Variants in PI4KA observed in about 807,000 individuals in gnomAD.
The protein encoded by PI4KA is PI4-kinase alpha.
A neutral mutation model predicts 271.4 loss-of-function variants in PI4KA; 122 were observed. That is an observed-to-expected ratio of 0.45 (90% CI 0.39 to 0.52). PI4KA has a LOEUF of 0.52. PI4KA is among the 20% of genes least tolerant of loss of function. The probability of loss-of-function intolerance (pLI) is 0.00; values close to 1 mark genes in which losing one functional copy is unlikely to be tolerated. For missense variants in PI4KA, 1,969 were observed against 2,769.1 expected, an observed-to-expected ratio of 0.71 and a Z score of 6.48; for synonymous variants, 1,041 against 1,078.8, an observed-to-expected ratio of 0.96 and a Z score of 0.69.
At chr22:20,785,875 T>C (rs1238665840) in intron 19 of PI4KA, 1 of 1,320,180 alleles carries the variant, frequency 7.6e-7, no homozygotes, top group Non-Finnish European at 1.1e-6. Flanking sequence ...AGTCCCGGAA[T>C]ATAAATTTTA....
chr22:20,807,429 A>C lies in PI4KA; in HGVS notation c.1101T>G (p.Thr367=). 1 of 1,612,984 alleles carries C rather than the reference A, an allele frequency of 6.2e-7. No individual in the cohort carries two copies. The highest frequency in any genetic ancestry group is 8.5e-7 in the Non-Finnish European group (1 of 1,178,940). The change falls in exon 10 of 55, where the codon ACT becomes ACG. Residue 367 remains threonine (T), a synonymous_variant. Coordinates refer to ENST00000255882, the MANE Select transcript of PI4KA (RefSeq NM_058004.4). ...TCAGGTAGAGAGGGTCACTGAAGGAAGTGTAGTAGAGATCAGCACTGGGGT... is the reference window on the plus strand; with the variant it reads ...TCAGGTAGAGAGGGTCACTGAAGGACGTGTAGTAGAGATCAGCACTGGGGT... The part of the protein sequence containing the change: ...EANPSADLYY[T]SFSDPLYLTM...
At chr22:20,818,669 T>C in intron 6 of PI4KA, 120 bp from the exon 7 acceptor site, 1 of 630,832 alleles carries the variant, frequency 1.6e-6, no homozygotes. Context: ...GGTTGAAGCC[T>C]CATTTCCTTC....
At chr22:20,708,322 C>A (rs900159279) in intron 54 of PI4KA, among the ~76,000 whole-genome samples, 1 of 152,136 alleles carries the variant, frequency 6.6e-6, no homozygotes, top group Non-Finnish European at 1.5e-5. Context: ...CGCTTCCATC[C>A]GTGGGAGCCA....
chr22:20,802,014 C>A lies in PI4KA; in HGVS notation c.1683G>T (p.Met561Ile), dbSNP rs745541103. The A allele has an allele frequency of 1.2e-6, 2 of 1,614,198 alleles. No individual in the cohort carries two copies. Among genetic ancestry groups the A allele is most frequent in the Non-Finnish European group, 8.5e-7 (1 of 1,180,020 alleles). ...TAGCGATGTCTCGGAGCTGCTCGTA[C>A]ATGGAGGGCTGGCTCTTCTTACCCG... ...VMSGKKSQPS[M>I]YEQLRDIAID... The change falls in exon 14 of 55, where the codon ATG becomes ATT. Residue 561 changes from methionine (M) to isoleucine (I), a missense_variant. By Grantham distance (10) the Met-to-Ile change is conservative. Around this residue, in one of 13 missense-constraint regions of PI4KA, gnomAD observed 228 missense variants for 261.6 expected, o/e 0.87. Coordinates refer to ENST00000255882, the MANE Select transcript of PI4KA (RefSeq NM_058004.4).
intron 39 of PI4KA, among the ~76,000 whole-genome samples, chr22:20,728,744 A>G (rs1431884361): frequency 1.3e-5 from 2 of 152,208 alleles, no homozygotes; most frequent in Non-Finnish European, 2.9e-5. Context: ...TGGGCTCACA[A>G]TGGAGAATCA....
chr22:20,807,171 T>A (rs567092831), intron 10 of PI4KA, among the ~76,000 whole-genome samples, 191 bp downstream of exon 10: 86 of 152,268 alleles, frequency 5.6e-4, no homozygotes, highest in Non-Finnish European at 8.7e-4. Flanking sequence ...GGTACCGGGG[T>A]TGCAGGATCA....
chr22:20,746,391 AT>A (rs1033003720), intron 29 of PI4KA, among the ~76,000 whole-genome samples: 4 of 152,226 alleles, frequency 2.6e-5, no homozygotes, highest in Non-Finnish European at 4.4e-5. Context: ...ATTAAAAAAA[AT>A]AACTTAGAGA....
intron 2 of PI4KA, among the ~76,000 whole-genome samples, chr22:20,836,102 C>A (rs1025924310): frequency 7.7e-5 from 10 of 129,796 alleles, no homozygotes; most frequent in African/African-American, 2.8e-4. Flanking sequence ...AACAAAAAAA[C>A]ATGGCAGAAG....
intron 42 of PI4KA, among the ~76,000 whole-genome samples, chr22:20,723,060 G>A (rs1332294040): frequency 4.7e-5 from 7 of 148,832 alleles, no homozygotes; most frequent in Non-Finnish European, 1.0e-4. Context: ...ACAGAGTCTC[G>A]CTCTGTCTCC....
chr22:20,834,439 G>C, intron 3 of PI4KA, 123 bp downstream of exon 3: 1 of 711,884 alleles, frequency 1.4e-6, no homozygotes, highest in Non-Finnish European at 2.5e-6. Context: ...GCAGGCAGTT[G>C]TTTCCCAGCC....
intron 2 of PI4KA, among the ~76,000 whole-genome samples, chr22:20,837,608 C>G (rs923597499): frequency 6.6e-6 from 1 of 152,008 alleles, no homozygotes; most frequent in Middle Eastern, 3.4e-3. Context: ...TATCTAACAT[C>G]TTTATTTACC....
At chr22:20,753,579 A>G (rs1930952192) in intron 23 of PI4KA, among the ~76,000 whole-genome samples, 1 of 152,160 alleles carries the variant, frequency 6.6e-6, no homozygotes, top group Admixed American at 6.5e-5. Flanking sequence ...AAGAACAGTT[A>G]TTTTGTTGAA....
chr22:20,765,581 C>T lies in PI4KA; in HGVS notation c.2437+4G>A. 6.3e-7 allele frequency: 1 copy of T among 1,576,040 alleles called. No homozygotes were observed. The highest frequency in any genetic ancestry group is 8.7e-7 in the Non-Finnish European group (1 of 1,146,340). On this transcript the variant is annotated splice_donor_region_variant and intron_variant, in intron 20 of 54. Coordinates refer to ENST00000255882, the MANE Select transcript of PI4KA (RefSeq NM_058004.4). ...CTTCACTGGGAGAGAGATGATCCCC[C>T]TACCTGAGCCCTCCACAGCGAATCC...
At chr22:20,786,765 C>A (rs765480597) in intron 19 of PI4KA, 5 of 1,112,090 alleles carry the variant, frequency 4.5e-6, no homozygotes, top group Non-Finnish European at 5.5e-6. Context: ...GTGATTTCCA[C>A]CTTACATGTT....
intron 1 of PI4KA, among the ~76,000 whole-genome samples, chr22:20,856,325 A>C (rs995991753): frequency 6.6e-6 from 1 of 152,046 alleles, no homozygotes; most frequent in African/African-American, 2.4e-5. Flanking sequence ...AAAACCAAAA[A>C]AGTGATTGGT....
chr22:20,786,292 A>G, intron 19 of PI4KA: 1 of 909,820 alleles, frequency 1.1e-6, no homozygotes, highest in East Asian at 2.5e-5. Flanking sequence ...GGTGGGATAC[A>G]CAGAATGCCT....
chr22:20,748,101 A>G (rs982319640), intron 28 of PI4KA, among the ~76,000 whole-genome samples: 8 of 152,240 alleles, frequency 5.3e-5, no homozygotes, highest in Non-Finnish European at 1.2e-4. Context: ...TGGACCAAAC[A>G]CTGGGTTTCT....
At chr22:20,846,062 A>C (rs1415905974) in intron 1 of PI4KA, among the ~76,000 whole-genome samples, 1 of 151,942 alleles carries the variant, frequency 6.6e-6, no homozygotes, top group African/African-American at 2.4e-5. Flanking sequence ...TTGAGACACC[A>C]TCCTGGCCAA....
rs539269362 is a variant in PI4KA at position 20,831,750 on chromosome 22, T to A, written c.367+2812A>T. Reference sequence around the variant, plus strand: ...CCCTTCTCTCTAGCTGCCTTTAACATTTTTTTTCTTTCATTTAGACCTTGG... The same window carrying A: ...CCCTTCTCTCTAGCTGCCTTTAACAATTTTTTTCTTTCATTTAGACCTTGG... On this transcript the variant is annotated intron_variant, in intron 3 of 54. Transcript: ENST00000255882. Among the ~76,000 whole-genome samples, 7 of 152,116 alleles carry A rather than the reference T, an allele frequency of 4.6e-5. No homozygotes were observed. In the South Asian group the frequency reaches 1.5e-3, roughly 32 times the overall value.
Sources: allele counts gnomAD v4.1 joint callset (sites outside exome capture counted in the v4.1 genomes callset), GRCh38; gene constraint gnomAD v4.1.1; regional missense constraint gnomAD v4.1.1; transcripts MANE v1.5; gene names NCBI Gene and HGNC (gene_info 2026-07-23, HGNC 2026-07-21).